CCDC122: variants seen among roughly 807,000 people sequenced by gnomAD.
CCDC122 encodes the protein coiled-coil domain-containing protein 122.
In CCDC122, 38 loss-of-function variants were observed where a neutral mutation model predicts 37.0. That is an observed-to-expected ratio of 1.03 (90% CI 0.79 to 1.35). The LOEUF (loss-of-function observed/expected upper bound fraction) is 1.35. Among genes scored for constraint, CCDC122 ranks in the 40% most tolerant of loss-of-function variants. The probability of loss-of-function intolerance (pLI) is 0.00; values close to 1 mark genes in which losing one functional copy is unlikely to be tolerated. For synonymous variants in CCDC122, 83 were observed against 95.6 expected (o/e 0.87, Z 0.77); for missense variants, 305 against 310.0 (o/e 0.98, Z 0.12).
downstream of CCDC122, among the ~76,000 whole-genome samples, chr13:43,832,778 CT>C (rs1023275899): frequency 6.6e-6 from 1 of 152,124 alleles, no homozygotes; most frequent in African/African-American, 2.4e-5. Context: ...AACCTTGCCC[CT>C]GATGAGCTGT....
In CCDC122 at chr13:43,869,397, T is replaced by C. The variant is rs1308261433; in HGVS notation, c.-21A>G. 3 of 1,596,392 alleles carry C rather than the reference T, an allele frequency of 1.9e-6. No individual in the cohort carries two copies. Among genetic ancestry groups the C allele is most frequent in the South Asian group, 1.1e-5 (1 of 88,446 alleles). ...GACATTTTCTGTGTCTGTAATCTCT[T>C]TTCCCCTTTTTGATTTACCTTCTTT... On this transcript the variant is annotated 5_prime_UTR_variant, in exon 3 of 7. Transcript: ENST00000444614.
intron 6 of CCDC122, among the ~76,000 whole-genome samples, chr13:43,841,767 G>C (rs184947882): frequency 1.3e-5 from 2 of 152,266 alleles, no homozygotes; most frequent in East Asian, 3.9e-4. Flanking sequence ...CTGTACTGCA[G>C]TGGCATGATC....
At chr13:43,860,871 A>G (rs1007625307) in intron 4 of CCDC122, among the ~76,000 whole-genome samples, 3 of 152,176 alleles carry the variant, frequency 2.0e-5, no homozygotes, top group Non-Finnish European at 4.4e-5. Flanking sequence ...AATTCACTAT[A>G]TCCAAAAATT....
downstream of CCDC122, among the ~76,000 whole-genome samples, chr13:43,821,257 C>T (rs547454666): frequency 6.6e-6 from 1 of 152,258 alleles, no homozygotes; most frequent in Admixed American, 6.5e-5. Context: ...GAGTTTTGTT[C>T]TTGTAGTGCA....
chr13:43,869,500 AATTAAT>A lies in CCDC122; in HGVS notation c.-113-17_-113-12del. On this transcript the variant is annotated splice_polypyrimidine_tract_variant and intron_variant, in intron 2 of 6. Transcript: ENST00000444614. Reference sequence around the variant, plus strand: ...TGTATATTGGTGATCCTGAAAGGTAAATTAATTGTCAAACATGTCACAGGGATGTCA... The same window carrying A: ...TGTATATTGGTGATCCTGAAAGGTAATGTCAAACATGTCACAGGGATGTCA... The A allele has an allele frequency of 4.4e-6, 3 of 684,192 alleles. No individual in the cohort carries two copies. Among genetic ancestry groups the A allele is most frequent in the Non-Finnish European group, 7.2e-6 (3 of 414,034 alleles). 42.4% of individuals were successfully genotyped at this position (684,192 alleles called of 1,614,324 possible).
chr13:43,820,954 T>C (rs1357511376), downstream of CCDC122, among the ~76,000 whole-genome samples: 1 of 152,222 alleles, frequency 6.6e-6, no homozygotes, highest in Non-Finnish European at 1.5e-5. Context: ...TATTTTTCTA[T>C]TTAGAACAAT....
At chr13:43,835,492 T>C (rs1006004313), downstream of CCDC122, among the ~76,000 whole-genome samples, 1 of 152,140 alleles carries the variant, frequency 6.6e-6, no homozygotes, top group African/African-American at 2.4e-5. Context: ...AAAAAGTTTC[T>C]TTTTCAAAGA....
chr13:43,853,653 G>A (rs540236054), intron 6 of CCDC122, among the ~76,000 whole-genome samples: 9 of 152,202 alleles, frequency 5.9e-5, no homozygotes, highest in Admixed American at 3.9e-4. Context: ...GACAGACATC[G>A]ACAGAACTCT....
downstream of CCDC122, among the ~76,000 whole-genome samples, chr13:43,822,335 C>T (rs544178559): frequency 6.0e-4 from 92 of 152,342 alleles, 1 homozygote; most frequent in South Asian, 0.016. Flanking sequence ...TTCCCTGAAA[C>T]TGGGGGTGGG....
At chr13:43,868,824 A>G (rs1197575687) in intron 3 of CCDC122, 21 bp from the exon 4 acceptor site, 3 of 1,174,916 alleles carry the variant, frequency 2.6e-6, no homozygotes, top group African/African-American at 3.2e-5. Flanking sequence ...ACAAAAGAAT[A>G]AAGTATATAA....
At chr13:43,875,440 A>C (rs1414466948) in intron 1 of CCDC122, among the ~76,000 whole-genome samples, 3 of 152,202 alleles carry the variant, frequency 2.0e-5, no homozygotes, top group Admixed American at 6.5e-5. Context: ...AACTGGGTTA[A>C]AGATCTTGAG....
chr13:43,865,942 G>A (rs1219341906), intron 4 of CCDC122, among the ~76,000 whole-genome samples: 2 of 152,000 alleles, frequency 1.3e-5, no homozygotes, highest in Admixed American at 6.6e-5. Flanking sequence ...GCATCACTAC[G>A]CTGATACTTT....
chr13:43,841,114 T>C (rs1171663484), intron 6 of CCDC122, among the ~76,000 whole-genome samples: 2 of 152,222 alleles, frequency 1.3e-5, no homozygotes, highest in Non-Finnish European at 2.9e-5. Context: ...TCACAATTTA[T>C]TTTTCCATTC....
chr13:43,843,338 T>C (rs1388342426), intron 6 of CCDC122, among the ~76,000 whole-genome samples: 1 of 152,074 alleles, frequency 6.6e-6, no homozygotes, highest in Non-Finnish European at 1.5e-5. Flanking sequence ...TTCTGTCATT[T>C]TGTCACTATA....
chr13:43,848,079 G>C (rs760191967), intron 6 of CCDC122, among the ~76,000 whole-genome samples: 6 of 152,064 alleles, frequency 3.9e-5, no homozygotes, highest in African/African-American at 1.2e-4. Flanking sequence ...CCAGGCTCTG[G>C]GTTTTTCTCA....
chr13:43,867,813 T>G (rs1954321408), intron 4 of CCDC122, among the ~76,000 whole-genome samples: 1 of 152,162 alleles, frequency 6.6e-6, no homozygotes, highest in South Asian at 2.1e-4. Context: ...TAGAAGTGAC[T>G]AACATAATAC....
chr13:43,861,571 A>G (rs1253192830), intron 4 of CCDC122, among the ~76,000 whole-genome samples: 1 of 152,184 alleles, frequency 6.6e-6, no homozygotes, highest in Non-Finnish European at 1.5e-5. Context: ...TCCTCTTCTT[A>G]TCTACTATGG....
chr13:43,819,222 T>G (rs778162118), downstream of CCDC122, among the ~76,000 whole-genome samples: 1 of 152,218 alleles, frequency 6.6e-6, no homozygotes, highest in Non-Finnish European at 1.5e-5. Context: ...AACAGTCTCA[T>G]ACATTGTTGG....
intron 6 of CCDC122, among the ~76,000 whole-genome samples, chr13:43,839,303 T>A (rs560579384): frequency 1.0e-3 from 154 of 152,330 alleles, no homozygotes; most frequent in Non-Finnish European, 5.0e-4. Context: ...CTTGTATACA[T>A]TTGCCTATTC....
Sources: gnomAD v4.1 joint callset for allele counts (sites outside exome capture counted in the v4.1 genomes callset) on GRCh38, gnomAD v4.1.1 for gene constraint, MANE v1.5 for transcripts, NCBI Gene and HGNC (gene_info 2026-07-23, HGNC 2026-07-21) for gene names.